MYT1L: variants seen among roughly 807,000 people sequenced by gnomAD.
MYT1L encodes the protein myelin transcription factor 1 like.
A neutral mutation model predicts 126.7 loss-of-function variants in MYT1L; 12 were observed. That is an observed-to-expected ratio of 0.09 (90% CI 0.06 to 0.15). MYT1L has a LOEUF of 0.15. MYT1L is among the 10% of genes least tolerant of loss of function. MYT1L has a pLI of 1.00. For missense variants in MYT1L, 979 were observed against 1,585.2 expected (o/e 0.62, Z 6.49); for synonymous variants, 541 against 604.2 (o/e 0.90, Z 1.53).
At chr2:2,058,948 A>T (rs1438405459) in intron 3 of MYT1L, among the ~76,000 whole-genome samples, 1 of 152,210 alleles carries the variant, frequency 6.6e-6, no homozygotes, top group Non-Finnish European at 1.5e-5. Context: ...GTTCATTCAT[A>T]TGGGGGCAAC....
At chr2:2,116,553 T>C (rs1349945469) in intron 3 of MYT1L, among the ~76,000 whole-genome samples, 1 of 152,232 alleles carries the variant, frequency 6.6e-6, no homozygotes, top group Non-Finnish European at 1.5e-5. Context: ...AGCCATGCCT[T>C]GTGATATGCA....
chr2:1,878,743 C>G (rs1424637043), intron 18 of MYT1L, among the ~76,000 whole-genome samples: 1 of 152,170 alleles, frequency 6.6e-6, no homozygotes, highest in African/African-American at 2.4e-5. Context: ...ATAACCAAGT[C>G]ACATTTTATT....
At chr2:2,270,650 A>G (rs2095244674) in intron 2 of MYT1L, among the ~76,000 whole-genome samples, 1 of 152,176 alleles carries the variant, frequency 6.6e-6, no homozygotes, top group Admixed American at 6.5e-5. Context: ...TTGGTACTCA[A>G]TGTATTCAGG....
intron 1 of MYT1L, chr2:2,324,727 T>C (rs1032403064): frequency 6.6e-6 from 1 of 152,622 alleles, no homozygotes; most frequent in African/African-American, 2.4e-5. Flanking sequence ...AGAGACCACA[T>C]CGCTGCAGCA....
chr2:2,017,207 A>G (rs1249298429), intron 4 of MYT1L, among the ~76,000 whole-genome samples: 1 of 152,190 alleles, frequency 6.6e-6, no homozygotes, highest in Non-Finnish European at 1.5e-5. Flanking sequence ...CGCACTGGTG[A>G]GGCCAGCAGG....
intron 2 of MYT1L, among the ~76,000 whole-genome samples, chr2:2,243,182 A>T (rs1289602202): frequency 3.3e-5 from 5 of 152,220 alleles, no homozygotes; most frequent in African/African-American, 1.2e-4. Context: ...TGAGGAATTG[A>T]AATTGTCTTA....
intron 15 of MYT1L, among the ~76,000 whole-genome samples, chr2:1,890,705 T>C (rs2048754208): frequency 6.6e-6 from 1 of 151,922 alleles, no homozygotes; most frequent in African/African-American, 2.4e-5. Context: ...AGAGTGACAC[T>C]CTCCTTAGCA....
rs559021742 is a variant in MYT1L at position 1,955,540 on chromosome 2, G to A, written c.153-12206C>T. Among the ~76,000 whole-genome samples, 44 of 152,282 alleles carry A rather than the reference G, an allele frequency of 2.9e-4. No individual in the cohort carries two copies. The Middle Eastern group carries it at 0.014, about 47-fold the overall frequency. ...AATATGCATTTTCTAGCAAGTTAGT[G>A]CAAGCAAAATACAAGCTGTTGCTCC... On this transcript the variant is annotated intron_variant, in intron 8 of 24. Transcript: ENST00000647738.
intron 3 of MYT1L, among the ~76,000 whole-genome samples, chr2:2,057,089 G>T (rs549396709): frequency 6.6e-6 from 1 of 152,116 alleles, no homozygotes. Context: ...TCCTCCCACC[G>T]ATGTCCAGAT....
At chr2:2,239,026 C>A (rs1402937948) in intron 2 of MYT1L, among the ~76,000 whole-genome samples, 1 of 152,220 alleles carries the variant, frequency 6.6e-6, no homozygotes, top group East Asian at 1.9e-4. Flanking sequence ...AGCCTACTGG[C>A]CACACTGAGC....
chr2:1,807,939 T>C (rs1175484896), intron 22 of MYT1L, among the ~76,000 whole-genome samples: 1 of 152,172 alleles, frequency 6.6e-6, no homozygotes, highest in Admixed American at 6.5e-5. Context: ...TGGGGGTGGT[T>C]ACCTCCATGC....
At chr2:2,004,366 T>G (rs140768698) in intron 4 of MYT1L, among the ~76,000 whole-genome samples, 3 of 68,054 alleles carry the variant, frequency 4.4e-5, no homozygotes, top group Non-Finnish European at 2.9e-5. Flanking sequence ...TTCTTTCCTG[T>G]GTGCCTTCTT....
At chr2:2,315,021 T>C (rs1237682800) in intron 1 of MYT1L, among the ~76,000 whole-genome samples, 1 of 152,202 alleles carries the variant, frequency 6.6e-6, no homozygotes, top group African/African-American at 2.4e-5. Flanking sequence ...TATTCAAAAA[T>C]TAACTCAATA....
intron 23 of MYT1L, among the ~76,000 whole-genome samples, chr2:1,795,887 A>T (rs1335789288): frequency 6.6e-6 from 1 of 152,176 alleles, no homozygotes; most frequent in Non-Finnish European, 1.5e-5. Flanking sequence ...AGACTTGTCC[A>T]CACCCTCTGT....
chr2:2,133,085 G>C (rs185036380), intron 3 of MYT1L, among the ~76,000 whole-genome samples: 55 of 152,272 alleles, frequency 3.6e-4, no homozygotes, highest in Admixed American at 3.6e-3. Context: ...CTTTGGGGGG[G>C]ACGAAGACAC....
intron 2 of MYT1L, among the ~76,000 whole-genome samples, chr2:2,190,859 C>T (rs1239742198): frequency 6.6e-6 from 1 of 152,228 alleles, no homozygotes; most frequent in African/African-American, 2.4e-5. Flanking sequence ...AATCTTGGCT[C>T]ACCACAACCT....
chr2:1,923,241 G>A lies in MYT1L; in HGVS notation c.528C>T (p.His176=). The change falls in exon 10 of 25, where the codon CAC becomes CAT. Residue 176 remains histidine (H), a synonymous_variant. Transcript: ENST00000647738. Reference sequence around the variant, plus strand: ...CTGTGTCTTGCATTATTCGAGTATTGTGACAATTCATTTGATGGTCTTCTG... The same window carrying A: ...CTGTGTCTTGCATTATTCGAGTATTATGACAATTCATTTGATGGTCTTCTG... The part of the protein sequence containing the change: ...EENEDHQMNC[H]NTRIMQDTEK... 6.3e-7 allele frequency: 1 copy of A among 1,595,226 alleles called. No individual in the cohort carries two copies. Among genetic ancestry groups the A allele is most frequent in the Non-Finnish European group, 8.6e-7 (1 of 1,168,426 alleles).
intron 18 of MYT1L, among the ~76,000 whole-genome samples, chr2:1,861,993 C>CTAGATCTGCCTGCAGCCTG (rs1309765382): frequency 6.6e-6 from 1 of 152,212 alleles, no homozygotes; most frequent in Non-Finnish European, 1.5e-5. Flanking sequence ...CTGTGTAATC[C>CTAGATCTGCCTGCAGCCTG]TGGAATTCGC....
chr2:2,008,107 T>C (rs2063498622), intron 4 of MYT1L, among the ~76,000 whole-genome samples: 1 of 152,204 alleles, frequency 6.6e-6, no homozygotes, highest in Non-Finnish European at 1.5e-5. Flanking sequence ...TAGATGACTC[T>C]GTCACTCCTG....
Sources: allele counts gnomAD v4.1 joint callset (sites outside exome capture counted in the v4.1 genomes callset), GRCh38; gene constraint gnomAD v4.1.1; transcripts MANE v1.5; gene names NCBI Gene and HGNC (gene_info 2026-07-23, HGNC 2026-07-21).